Variants in AZI2 observed in about 807,000 individuals in gnomAD.
AZI2 encodes the protein 5-azacytidine-induced protein 2.
In AZI2, 22 loss-of-function variants were observed where a neutral mutation model predicts 45.8. That is an observed-to-expected ratio of 0.48 (90% CI 0.34 to 0.69). AZI2 has a LOEUF of 0.69. AZI2 is among the 30% of genes least tolerant of loss of function. The pLI, the probability that AZI2 is intolerant of heterozygous loss-of-function variation, is 0.01. For missense variants in AZI2, 417 were observed against 441.5 expected, an observed-to-expected ratio of 0.94 and a Z score of 0.50; for synonymous variants, 137 against 156.7, an observed-to-expected ratio of 0.87 and a Z score of 0.94.
intron 5 of AZI2, among the ~76,000 whole-genome samples, chr3:28,334,601 T>C (rs948890641): frequency 6.6e-6 from 1 of 151,938 alleles, no homozygotes; most frequent in Non-Finnish European, 1.5e-5. Flanking sequence ...TGTTTAAAGT[T>C]TCCTGTCTCT....
intron 1 of AZI2, 50 bp from the exon 2 acceptor site, chr3:28,340,672 G>T: frequency 7.2e-7 from 1 of 1,387,048 alleles, no homozygotes; most frequent in Non-Finnish European, 9.9e-7. Flanking sequence ...CTGAATAAGT[G>T]AAAAGGAAAA....
intron 7 of AZI2, 154 bp from the exon 8 acceptor site, chr3:28,324,608 G>A: frequency 1.7e-6 from 1 of 584,980 alleles, no homozygotes; most frequent in East Asian, 3.2e-5. Flanking sequence ...GGAGATAAAT[G>A]ACAGATGATC....
chr3:28,346,579 C>T (rs1011798286), intron 1 of AZI2, among the ~76,000 whole-genome samples: 2 of 96,654 alleles, frequency 2.1e-5, no homozygotes, highest in Admixed American at 1.2e-4. Context: ...TGAATCAAGG[C>T]CTATATGGTA....
intron 5 of AZI2, 55 bp downstream of exon 5, chr3:28,336,682 C>A: frequency 6.6e-7 from 1 of 1,523,458 alleles, no homozygotes; most frequent in Non-Finnish European, 9.0e-7. Flanking sequence ...GTTATAAATC[C>A]TACATATGAT....
Position 28,323,953 on chromosome 3 carries a change from A to T in AZI2, c.*89T>A, listed in dbSNP as rs1435519044. 2 of 1,429,128 alleles carry T rather than the reference A, an allele frequency of 1.4e-6. No homozygotes were observed. The highest frequency in any genetic ancestry group is 2.9e-5 in the African/African-American group (2 of 69,390). The allele number at this position is 1,429,128 out of a possible 1,614,324, so 88.5% of individuals were successfully genotyped here. ...AAGACCTCTGCAAAATTTTAATCAAAATCTCCTTTCAGTTTGTTAAATAAT... is the reference window on the plus strand; with the variant it reads ...AAGACCTCTGCAAAATTTTAATCAATATCTCCTTTCAGTTTGTTAAATAAT... On this transcript the variant is annotated 3_prime_UTR_variant, in exon 8 of 8. Coordinates refer to ENST00000479665, the MANE Select transcript of AZI2 (RefSeq NM_022461.5).
chr3:28,331,929 T>G (rs932644698), intron 6 of AZI2: 18 of 1,545,064 alleles, frequency 1.2e-5, no homozygotes, highest in Non-Finnish European at 1.6e-5. Context: ...GCCACTGCAC[T>G]CCAGGCTGTG....
chr3:28,331,824 A>G (rs1415632476), intron 6 of AZI2: 5 of 1,539,320 alleles, frequency 3.2e-6, no homozygotes, highest in Non-Finnish European at 4.4e-6. Flanking sequence ...GTATTTGAGG[A>G]AAAAGGGTTG....
chr3:28,330,697 C>T (rs986523519), intron 6 of AZI2, among the ~76,000 whole-genome samples: 7 of 151,218 alleles, frequency 4.6e-5, no homozygotes, highest in Non-Finnish European at 8.9e-5. Flanking sequence ...AGAGAGAAAC[C>T]TAATCAGTTT....
In AZI2 at chr3:28,338,633, G is replaced by C. The variant is rs1426858983; in HGVS notation, c.217-18C>G. The C allele has an allele frequency of 6.2e-7, 1 of 1,602,288 alleles. No individual in the cohort carries two copies. Among genetic ancestry groups the C allele is most frequent in the East Asian group, 2.2e-5 (1 of 44,666 alleles). ...GCTATTAGCTAACGGTATGAAATTA[G>C]AAGAGAAAGCTTAAGAGAGTATTCT... On this transcript the variant is annotated intron_variant, in intron 2 of 7. Coordinates refer to ENST00000479665, the MANE Select transcript of AZI2 (RefSeq NM_022461.5).
chr3:28,334,279 T>C (rs1703705244), intron 5 of AZI2, among the ~76,000 whole-genome samples: 1 of 151,970 alleles, frequency 6.6e-6, no homozygotes, highest in Admixed American at 6.6e-5. Context: ...TAATGTGAGC[T>C]AGAGTAATAT....
At chr3:28,327,556 A>C (rs1420231755) in intron 6 of AZI2, among the ~76,000 whole-genome samples, 1 of 151,108 alleles carries the variant, frequency 6.6e-6, no homozygotes, top group East Asian at 1.9e-4. Flanking sequence ...CTGGTAAGGA[A>C]AAAGAAGCTA....
Position 28,324,464 on chromosome 3 carries a change from A to C in AZI2, c.767-10T>G, listed in dbSNP as rs779033447. ...CCTACAGGGGCACAGGCTAAAAAGA[A>C]AACACAGACTAAATGTCAGTTTTCA... On this transcript the variant is annotated splice_polypyrimidine_tract_variant and intron_variant, in intron 7 of 7. Coordinates refer to ENST00000479665, the MANE Select transcript of AZI2 (RefSeq NM_022461.5). The C allele has an allele frequency of 4.1e-6, 6 of 1,453,324 alleles. No individual in the cohort carries two copies. In the African/African-American group the frequency reaches 8.5e-5, roughly 21 times the overall value. 90.0% of individuals were successfully genotyped at this position (1,453,324 alleles called of 1,614,324 possible). A position where few individuals can be genotyped will look rare whatever the true frequency, so the allele number is the denominator to read the frequency against.
chr3:28,329,094 T>C (rs1559456717), intron 6 of AZI2, among the ~76,000 whole-genome samples: 1 of 151,308 alleles, frequency 6.6e-6, no homozygotes, highest in African/African-American at 2.4e-5. Context: ...AAAGAACTTA[T>C]ACAACTACTT....
intron 1 of AZI2, among the ~76,000 whole-genome samples, chr3:28,341,211 C>T (rs1704005300): frequency 6.6e-6 from 1 of 151,996 alleles, no homozygotes. Flanking sequence ...TCCAATATGT[C>T]CCACTATAAT....
rs190392593 is a variant in AZI2, at chr3:28,333,509, A to T, written c.589-1082T>A. Among the ~76,000 whole-genome samples, 356 of 147,954 alleles carry T rather than the reference A, an allele frequency of 2.4e-3. 1 individual carries two copies. The highest frequency in any genetic ancestry group is 7.0e-3 in the East Asian group (36 of 5,128). On this transcript the variant is annotated intron_variant, in intron 5 of 7. Coordinates refer to ENST00000479665, the MANE Select transcript of AZI2 (RefSeq NM_022461.5). The stretch of plus-strand genomic sequence containing the variant: ...TAGTATCCTTGTATCATGAATTAAA[A>T]TTTTTTTTTTAAAAATTAGTATATA...
chr3:28,336,740 T>A lies in AZI2; in HGVS notation c.585A>T (p.Gln195His). The change falls in exon 5 of 8, where the codon CAA becomes CAT. Residue 195 changes from glutamine to histidine, a missense_variant. Coordinates refer to ENST00000479665, the MANE Select transcript of AZI2 (RefSeq NM_022461.5). ...DLKIELQKAK[Q>H]TDPYQEDNLK... ...CAATTTAATAATTCTGTAATACCGT[T>A]TGTTTGGCTTTCTGTAGTTCTATTT... 6.2e-7 allele frequency: 1 copy of A among 1,612,394 alleles called. No individual in the cohort carries two copies. Among genetic ancestry groups the A allele is most frequent in the Non-Finnish European group, 8.5e-7 (1 of 1,179,042 alleles).
chr3:28,335,264 A>G (rs1313008330), intron 5 of AZI2, among the ~76,000 whole-genome samples: 4 of 152,028 alleles, frequency 2.6e-5, no homozygotes, highest in East Asian at 3.9e-4. Context: ...ACAACAAAAT[A>G]TCTATCACGT....
chr3:28,331,042 C>T lies in AZI2; in HGVS notation c.647+1327G>A, dbSNP rs17021373. Among the ~76,000 whole-genome samples the T allele has an allele frequency of 2.6e-3, 392 of 151,384 alleles. 2 individuals are homozygous for T. The highest frequency in any genetic ancestry group is 8.9e-3 in the African/African-American group (370 of 41,426). Reference sequence around the variant, plus strand: ...ATTTTTTCAGTATTTTGTTAGTTATCTGATGCCTTCAAACAGGTATTTTCT... The same window carrying T: ...ATTTTTTCAGTATTTTGTTAGTTATTTGATGCCTTCAAACAGGTATTTTCT... On this transcript the variant is annotated intron_variant, in intron 6 of 7. Coordinates refer to ENST00000479665, the MANE Select transcript of AZI2 (RefSeq NM_022461.5).
chr3:28,346,820 C>T (rs1246409168), intron 1 of AZI2, among the ~76,000 whole-genome samples: 2 of 152,116 alleles, frequency 1.3e-5, no homozygotes, highest in Non-Finnish European at 2.9e-5. Context: ...TACCTCTTTT[C>T]AAAACATCAT....
Sources: allele counts gnomAD v4.1 joint callset (sites outside exome capture counted in the v4.1 genomes callset), GRCh38; gene constraint gnomAD v4.1.1; transcripts MANE v1.5; gene names NCBI Gene and HGNC (gene_info 2026-07-23, HGNC 2026-07-21).